PRUNE2: variants seen among roughly 807,000 people sequenced by gnomAD.
PRUNE2 encodes prune homolog 2 with BCH domain, also known as protein prune homolog 2.
In PRUNE2, 164 loss-of-function variants were observed where a neutral mutation model predicts 252.0. That is an observed-to-expected ratio of 0.65 (90% CI 0.57 to 0.74). PRUNE2 has a LOEUF of 0.74. PRUNE2 is among the 30% of genes least tolerant of loss of function. PRUNE2 has a pLI of 0.00. For missense variants in PRUNE2, 3,495 were observed against 3,711.0 expected (o/e 0.94, Z 1.51); for synonymous variants, 1,292 against 1,350.2 (o/e 0.96, Z 0.94).
intron 9 of PRUNE2, among the ~76,000 whole-genome samples, chr9:76,699,024 T>TTCTTC (rs1328546403): frequency 8.3e-6 from 1 of 121,114 alleles, no homozygotes; most frequent in Non-Finnish European, 1.6e-5. Flanking sequence ...TCCTCTCTTC[T>TTCTTC]CCTTCCCCAC....
At chr9:76,727,994 G>T (rs1249282254) in intron 6 of PRUNE2, among the ~76,000 whole-genome samples, 1 of 152,060 alleles carries the variant, frequency 6.6e-6, no homozygotes, top group Non-Finnish European at 1.5e-5. Context: ...GGGATTACAG[G>T]TGTGAGCCCC....
At chr9:76,889,529 T>G (rs2062333297) in intron 1 of PRUNE2, among the ~76,000 whole-genome samples, 1 of 152,030 alleles carries the variant, frequency 6.6e-6, no homozygotes, top group African/African-American at 2.4e-5. Context: ...TAAGTTGACC[T>G]GGCTGGTCTC....
intron 6 of PRUNE2, among the ~76,000 whole-genome samples, chr9:76,811,653 T>C (rs1237387612): frequency 6.6e-6 from 1 of 152,204 alleles, no homozygotes; most frequent in Non-Finnish European, 1.5e-5. Flanking sequence ...TCTGAAGGTC[T>C]AGAAACATAC....
intron 1 of PRUNE2, among the ~76,000 whole-genome samples, chr9:76,889,231 T>C (rs912949809): frequency 6.6e-6 from 1 of 152,020 alleles, no homozygotes; most frequent in Non-Finnish European, 1.5e-5. Context: ...GAGAAAAGCA[T>C]AAGGGATATG....
chr9:76,731,615 C>A (rs1425275986), intron 6 of PRUNE2, among the ~76,000 whole-genome samples: 2 of 152,200 alleles, frequency 1.3e-5, no homozygotes, highest in East Asian at 3.9e-4. Flanking sequence ...GACCACCATG[C>A]CCGGCAGGAA....
Position 76,709,693 on chromosome 9 carries a change from C to A in PRUNE2, c.2581G>T (p.Ala861Ser), listed in dbSNP as rs772312310. 6.2e-7 allele frequency: 1 copy of A among 1,613,996 alleles called. No homozygotes were observed. The highest frequency in any genetic ancestry group is 2.2e-5 in the East Asian group (1 of 44,876). Residue 861 changes from alanine (A) to serine (S), a missense_variant, in exon 8 of 19, where the codon GCT (alanine) becomes TCT (serine). Ala to Ser is a moderately conservative substitution (Grantham distance 99). Transcript: ENST00000376718. ...NSPSEINNEA[A>S]PEIWGKKNND... The stretch of plus-strand genomic sequence containing the variant: ...TTTTTCTTGCCCCAGATTTCTGGAG[C>A]TGCTTCATTGTTTATCTCACTGGGT...
In PRUNE2 at chr9:76,755,279, G is replaced by A. The variant is rs547256204; in HGVS notation, c.757-41558C>T. ...CCATATCTTTGATACCTAAAGCACTGGCTCATTCACGGTAGATGGATACTT... is the reference window on the plus strand; with the variant it reads ...CCATATCTTTGATACCTAAAGCACTAGCTCATTCACGGTAGATGGATACTT... On this transcript the variant is annotated intron_variant, in intron 6 of 18. Coordinates refer to ENST00000376718, the MANE Select transcript of PRUNE2 (RefSeq NM_015225.3). 1.4e-4 allele frequency among the ~76,000 whole-genome samples: 21 copies of A among 152,188 alleles called. No individual in the cohort carries two copies. In the Middle Eastern group the frequency reaches 0.014, roughly 99 times the overall value.
intron 15 of PRUNE2, among the ~76,000 whole-genome samples, chr9:76,629,722 G>A (rs1425374081): frequency 1.3e-5 from 2 of 151,714 alleles, no homozygotes; most frequent in African/African-American, 2.4e-5. Context: ...CCTCTTAACC[G>A]AAATTTTGTG....
At chr9:76,770,695 A>G (rs2130929810) in intron 6 of PRUNE2, among the ~76,000 whole-genome samples, 1 of 152,322 alleles carries the variant, frequency 6.6e-6, no homozygotes, top group Non-Finnish European at 1.5e-5. Context: ...AAATGCTGAT[A>G]TGATATTTTC....
rs143382307 is a variant in PRUNE2, at chr9:76,657,119, C to T, written c.8277-1617G>A. ...ACAGATGTCTGGGTATCCCATGATC[C>T]TGCAGTTTTTGGAATTCCTTACAAT... On this transcript the variant is annotated intron_variant, in intron 9 of 18. Transcript: ENST00000376718. Among the ~76,000 whole-genome samples, 96 of 152,292 alleles carry T rather than the reference C, an allele frequency of 6.3e-4. 1 individual carries two copies. Among genetic ancestry groups the T allele is most frequent in the African/African-American group, 2.3e-3 (94 of 41,566 alleles).
chr9:76,690,811 T>A (rs1321993611), intron 9 of PRUNE2, among the ~76,000 whole-genome samples: 1 of 152,160 alleles, frequency 6.6e-6, no homozygotes, highest in African/African-American at 2.4e-5. Flanking sequence ...GACAATAACC[T>A]CATCTTGTTG....
In PRUNE2 at chr9:76,614,155, G is replaced by T. The variant is rs1398926649; in HGVS notation, c.*415C>A. On this transcript the variant is annotated 3_prime_UTR_variant, in exon 19 of 19. Transcript: ENST00000376718. ...AGGGGAAACTTTCCTGGGGAGAGTT[G>T]AGACCTGTGTACTTTAAACCTAATG... is the stretch of plus-strand genomic sequence containing the variant. 5.7e-6 allele frequency: 1 copy of T among 176,156 alleles called. No homozygotes were observed. The highest frequency in any genetic ancestry group is 2.4e-5 in the African/African-American group (1 of 41,694). The allele number at this position is 176,156 out of a possible 1,614,324, so 10.9% of individuals were successfully genotyped here. A position where few individuals can be genotyped will look rare whatever the true frequency, so the allele number is the denominator to read the frequency against.
chr9:76,829,181 C>A (rs1444947837), intron 4 of PRUNE2, among the ~76,000 whole-genome samples: 2 of 152,232 alleles, frequency 1.3e-5, no homozygotes, highest in East Asian at 1.9e-4. Context: ...CACAGAGTTA[C>A]CCAAGTAACT....
chr9:76,846,621 G>C lies in PRUNE2; in HGVS notation c.402C>G (p.Ser134Arg), dbSNP rs553816550. The C allele has an allele frequency of 2.5e-6, 4 of 1,613,962 alleles. No homozygotes were observed. The highest frequency in any genetic ancestry group is 1.7e-5 in the Admixed American group (1 of 60,022). Residue 134 changes from serine to arginine, a missense_variant, in exon 4 of 19, where the codon AGC (serine) becomes AGG (arginine). Ser to Arg is a moderately radical substitution (Grantham distance 110). Transcript: ENST00000376718. ...VVKVINPVEQ[S>R]DANVEFRESS... ...ACTCTCGGAACTCAACGTTGGCATC[G>C]CTCTGCTCAACCGGATTAATGACTT...
At chr9:76,794,637 AAAAG>A (rs986757449) in intron 6 of PRUNE2, among the ~76,000 whole-genome samples, 1 of 150,604 alleles carries the variant, frequency 6.6e-6, no homozygotes, top group African/African-American at 2.5e-5. Context: ...AAAAGAAAAG[AAAAG>A]AAAGAAAGAA....
chr9:76,786,230 T>C (rs944073682), intron 6 of PRUNE2: 1 of 151,646 alleles, frequency 6.6e-6, no homozygotes, highest in East Asian at 1.9e-4. Flanking sequence ...CTCTTTGTGT[T>C]CATGGATAGT....
Position 76,641,184 on chromosome 9 carries a change from T to C in PRUNE2, c.8729-2896A>G, listed in dbSNP as rs571648474. 2.0e-4 allele frequency among the ~76,000 whole-genome samples: 31 copies of C among 152,212 alleles called. No individual in the cohort carries two copies. In the South Asian group the frequency reaches 3.3e-3, roughly 16 times the overall value. On this transcript the variant is annotated intron_variant, in intron 12 of 18. Transcript: ENST00000376718. Reference sequence around the variant, plus strand: ...TGTCTAAGTAAGAAATGTCTCGATATAAAAAGTATGGAAATTTATAAATGA... The same window carrying C: ...TGTCTAAGTAAGAAATGTCTCGATACAAAAAGTATGGAAATTTATAAATGA...
At chr9:76,897,688 T>C (rs367903787) in intron 1 of PRUNE2, among the ~76,000 whole-genome samples, 5 of 152,018 alleles carry the variant, frequency 3.3e-5, no homozygotes, top group African/African-American at 4.8e-5. Flanking sequence ...AGTGCTAGGA[T>C]TACAGGCATG....
intron 9 of PRUNE2, among the ~76,000 whole-genome samples, chr9:76,684,816 A>G (rs995275801): frequency 5.5e-5 from 2 of 36,294 alleles, no homozygotes; most frequent in African/African-American, 8.1e-5. Context: ...CAGTAGCACA[A>G]TCTCAGCTCA....
Sources: gnomAD v4.1 joint callset for allele counts (sites outside exome capture counted in the v4.1 genomes callset) on GRCh38, gnomAD v4.1.1 for gene constraint, MANE v1.5 for transcripts, NCBI Gene and HGNC (gene_info 2026-07-23, HGNC 2026-07-21) for gene names.